SCNN1B: variants seen among roughly 807,000 people sequenced by gnomAD.
SCNN1B encodes epithelial sodium channel subunit beta.
Under a neutral mutation model 65.3 loss-of-function variants are expected in SCNN1B, and 46 were observed. The observed-to-expected ratio is 0.70, with a 90% CI of 0.56 to 0.90. The LOEUF is 0.90. Ranked by LOEUF, SCNN1B falls within the 40% of genes least tolerant of loss-of-function variation. The pLI is 0.00. For synonymous variants in SCNN1B, 349 were observed against 330.6 expected (o/e 1.06, Z -0.60); for missense variants, 751 against 830.5 (o/e 0.90, Z 1.18).
intron 5 of SCNN1B, 47 bp downstream of exon 5, chr16:23,368,006 C>T: frequency 7.1e-7 from 1 of 1,398,788 alleles, no homozygotes; most frequent in Non-Finnish European, 1.0e-6. Flanking sequence ...GCTTTAACCA[C>T]CCCCACAATG....
chr16:23,334,206 C>T lies in SCNN1B; in HGVS notation c.-8-14386C>T, dbSNP rs79148799. Among the ~76,000 whole-genome samples the T allele has an allele frequency of 2.2e-3, 342 of 152,282 alleles. 1 individual carries two copies. The highest frequency in any genetic ancestry group is 7.9e-3 in the African/African-American group (330 of 41,562). ...GGGCAGCGACCCCAGAGAACATCTCCACGTGGTGTGGGAGTGTGGCTACCG... is the reference window on the plus strand; with the variant it reads ...GGGCAGCGACCCCAGAGAACATCTCTACGTGGTGTGGGAGTGTGGCTACCG... On this transcript the variant is annotated intron_variant, in intron 1 of 12. Coordinates refer to ENST00000343070, the MANE Select transcript of SCNN1B (RefSeq NM_000336.3).
At chr16:23,335,908 C>T (rs911355634) in intron 1 of SCNN1B, among the ~76,000 whole-genome samples, 4 of 152,166 alleles carry the variant, frequency 2.6e-5, no homozygotes, top group African/African-American at 7.2e-5. Context: ...CTTTCCCTAT[C>T]GTCTCCATTA....
At chr16:23,305,562 A>AAATAT (rs1567290373) in intron 1 of SCNN1B, among the ~76,000 whole-genome samples, 13 of 42,504 alleles carry the variant, frequency 3.1e-4, no homozygotes, top group African/African-American at 1.9e-3. Flanking sequence ...ATATATATAT[A>AAATAT]TATATATATA....
chr16:23,369,922 G>T (rs186933425), intron 5 of SCNN1B, among the ~76,000 whole-genome samples: 217 of 152,202 alleles, frequency 1.4e-3, no homozygotes, highest in African/African-American at 4.7e-3. Flanking sequence ...AGCATCCGAG[G>T]AGCTCATGTT....
intron 1 of SCNN1B, among the ~76,000 whole-genome samples, chr16:23,321,261 C>T (rs115817963): frequency 5.3e-5 from 8 of 152,164 alleles, no homozygotes; most frequent in Non-Finnish European, 8.8e-5. Context: ...AGGCTGATCT[C>T]GAACTCTTAC....
At chr16:23,371,502 G>A (rs1339689036) in intron 6 of SCNN1B, 40 bp downstream of exon 6, 2 of 1,605,130 alleles carry the variant, frequency 1.2e-6, no homozygotes, top group African/African-American at 2.7e-5. Context: ...AGGGTCTGAG[G>A]GTGGGAGCCC....
chr16:23,353,926 A>T (rs1229640402), intron 3 of SCNN1B, among the ~76,000 whole-genome samples: 1 of 152,146 alleles, frequency 6.6e-6, no homozygotes, highest in Non-Finnish European at 1.5e-5. Context: ...ACTCCTGGAG[A>T]ATCTGAGTGA....
At chr16:23,279,865 C>T (rs1255545852) in intron 1 of SCNN1B, among the ~76,000 whole-genome samples, 1 of 152,186 alleles carries the variant, frequency 6.6e-6, no homozygotes, top group Non-Finnish European at 1.5e-5. Flanking sequence ...TCCAGTGTTT[C>T]TGCAGAGCCC....
At chr16:23,350,016 T>G (rs1014340494) in intron 2 of SCNN1B, among the ~76,000 whole-genome samples, 1 of 150,994 alleles carries the variant, frequency 6.6e-6, no homozygotes, top group African/African-American at 2.4e-5. Context: ...AGGCAGAGGT[T>G]ATAGTGAGCT....
intron 1 of SCNN1B, among the ~76,000 whole-genome samples, chr16:23,278,795 C>A (rs552934403): frequency 6.6e-6 from 1 of 151,866 alleles, no homozygotes; most frequent in South Asian, 2.1e-4. Context: ...AAAAAATTAG[C>A]CCAGCTTGAT....
chr16:23,366,140 A>G (rs1962664576), intron 4 of SCNN1B, among the ~76,000 whole-genome samples: 1 of 152,226 alleles, frequency 6.6e-6, no homozygotes, highest in Non-Finnish European at 1.5e-5. Flanking sequence ...GTGACGTTTT[A>G]TGTGTGTGCA....
At chr16:23,278,833 G>A (rs1960742551) in intron 1 of SCNN1B, among the ~76,000 whole-genome samples, 1 of 151,978 alleles carries the variant, frequency 6.6e-6, no homozygotes, top group Non-Finnish European at 1.5e-5. Flanking sequence ...CCAGCTACTT[G>A]GGAGGCTGAA....
chr16:23,374,836 G>T (rs1221889422), intron 7 of SCNN1B, among the ~76,000 whole-genome samples: 1 of 151,808 alleles, frequency 6.6e-6, no homozygotes, highest in Non-Finnish European at 1.5e-5. Flanking sequence ...AGCTGGCCAG[G>T]GCTGTGTCCA....
chr16:23,342,737 G>T (rs774542848), intron 1 of SCNN1B, among the ~76,000 whole-genome samples: 2 of 152,292 alleles, frequency 1.3e-5, no homozygotes, highest in East Asian at 3.9e-4. Context: ...AAGCCATCCT[G>T]GGCTGCCTGT....
intron 4 of SCNN1B, among the ~76,000 whole-genome samples, chr16:23,363,978 C>A (rs1962600982): frequency 6.6e-6 from 1 of 152,028 alleles, no homozygotes; most frequent in African/African-American, 2.4e-5. Flanking sequence ...ACCAGCCTGA[C>A]TAACATGGTG....
chr16:23,322,465 A>G (rs1050135666), intron 1 of SCNN1B, among the ~76,000 whole-genome samples: 1 of 147,586 alleles, frequency 6.8e-6, no homozygotes, highest in Non-Finnish European at 1.5e-5. Context: ...ATGCTTGGCT[A>G]ATTTTTTTTT....
At chr16:23,365,489 GAAAAGA>G (rs1962632676) in intron 4 of SCNN1B, among the ~76,000 whole-genome samples, 2 of 126,212 alleles carry the variant, frequency 1.6e-5, no homozygotes, top group African/African-American at 2.8e-5. Flanking sequence ...AGAAAAAGAA[GAAAAGA>G]AAGAAAAAGA....
At chr16:23,374,100 A>T (rs80152692) in intron 7 of SCNN1B, among the ~76,000 whole-genome samples, 2,982 of 152,046 alleles carry the variant, frequency 0.02, 37 homozygotes, top group Non-Finnish European at 0.03. Flanking sequence ...AGAGAGGTCT[A>T]CAAGAATATA....
At chr16:23,375,617 C>T in intron 7 of SCNN1B, 121 bp from the exon 8 acceptor site, 1 of 792,272 alleles carries the variant, frequency 1.3e-6, no homozygotes, top group Non-Finnish European at 2.3e-6. Flanking sequence ...TGGAGCACCT[C>T]CACCAGCTCA....
Sources: gnomAD v4.1 joint callset for allele counts (sites outside exome capture counted in the v4.1 genomes callset) on GRCh38, gnomAD v4.1.1 for gene constraint, MANE v1.5 for transcripts, NCBI Gene and HGNC (gene_info 2026-07-23, HGNC 2026-07-21) for gene names.